The following ADGRG6 variants were observed in gnomAD, a reference collection of about 807,000 sequenced individuals.
ADGRG6 encodes adhesion G protein-coupled receptor G6.
ADGRG6 carries 84 observed loss-of-function variants against 142.4 expected under a neutral mutation model. That is an observed-to-expected ratio of 0.59 (90% CI 0.49 to 0.71). The LOEUF (loss-of-function observed/expected upper bound fraction) is 0.71. ADGRG6 is among the 30% of genes least tolerant of loss of function. The probability of loss-of-function intolerance (pLI) is 0.00; values close to 1 mark genes in which losing one functional copy is unlikely to be tolerated. For synonymous variants in ADGRG6, 521 were observed against 520.5 expected (o/e 1.00, Z -0.01); for missense variants, 1,367 against 1,466.6 (o/e 0.93, Z 1.11).
At position 142,309,328 on chromosome 6, in the gene ADGRG6, G is replaced by A. The variant is rs745439471; in HGVS notation, c.3-216G>A. Among the ~76,000 whole-genome samples, 4 of 151,786 alleles carry A rather than the reference G, an allele frequency of 2.6e-5. No individual in the cohort carries two copies. In the East Asian group the frequency reaches 5.8e-4, roughly 22 times the overall value. On this transcript the variant is annotated intron_variant, in intron 1 of 24. Transcript: ENST00000367609. ...ATTTTGATAAGGAAACTGCTACCAT[G>A]TGGCAAATAAAATGCATGGATTTAT...
chr6:142,390,214 T>C (rs372696965), intron 6 of ADGRG6, 44 bp from the exon 7 acceptor site: 2 of 940,502 alleles, frequency 2.1e-6, no homozygotes, highest in Non-Finnish European at 1.7e-6. Context: ...ATTATATAAC[T>C]ATAAACATAT....
intron 9 of ADGRG6, among the ~76,000 whole-genome samples, chr6:142,396,091 G>A (rs1775175691): frequency 6.6e-6 from 1 of 152,212 alleles, no homozygotes; most frequent in Middle Eastern, 3.4e-3. Context: ...GACTTGTTGG[G>A]TTTGGGTATT....
chr6:142,415,183 AC>A (rs1776294027), intron 19 of ADGRG6, 87 bp downstream of exon 19: 1 of 1,012,676 alleles, frequency 9.9e-7, no homozygotes, highest in African/African-American at 1.6e-5. Context: ...AAACATTTAT[AC>A]ACTGTAGGGT....
Position 142,402,085 on chromosome 6 carries a change from T to A in ADGRG6, c.1744+27T>A, listed in dbSNP as rs762854112. On this transcript the variant is annotated intron_variant, in intron 12 of 24. Transcript: ENST00000367609. ...TAAGTGAGCAGTTTTCCTTTATTTC[T>A]CAAGGACAAAATGACATGACTTCAT... 1.8e-5 allele frequency: 21 copies of A among 1,169,584 alleles called. No individual in the cohort carries two copies. The African/African-American group carries it at 2.6e-4, about 14-fold the overall frequency. The allele number at this position is 1,169,584 out of a possible 1,614,324, so 72.5% of individuals were successfully genotyped here. A position where few individuals can be genotyped will look rare whatever the true frequency, so the allele number is the denominator to read the frequency against.
At chr6:142,440,808 G>C in intron 24 of ADGRG6, 1 of 646,130 alleles carries the variant, frequency 1.5e-6, no homozygotes, top group Non-Finnish European at 2.7e-6. Flanking sequence ...AGCATCCTGG[G>C]ATCACTCAAG....
intron 9 of ADGRG6, among the ~76,000 whole-genome samples, chr6:142,394,838 C>T (rs937051248): frequency 8.0e-5 from 12 of 149,948 alleles, no homozygotes; most frequent in African/African-American, 2.4e-4. Flanking sequence ...CCTCCTGTCT[C>T]AGCCCCCCCC....
rs1465770143 is a variant in ADGRG6, at chr6:142,405,617, A to G, written c.2128-71A>G. ...CTTGCAATTGTTCACTCGCCTAACT[A>G]TACATGTGGAATAAAGTTATTACCA... On this transcript the variant is annotated intron_variant, in intron 14 of 24. Coordinates refer to ENST00000367609, the MANE Select transcript of ADGRG6 (RefSeq NM_198569.3). 5.7e-6 allele frequency: 7 copies of G among 1,237,058 alleles called. No individual in the cohort carries two copies. In the African/African-American group the frequency reaches 7.4e-5, roughly 13 times the overall value. 76.6% of individuals were successfully genotyped at this position (1,237,058 alleles called of 1,614,324 possible).
intron 20 of ADGRG6, among the ~76,000 whole-genome samples, chr6:142,416,277 T>C (rs1273064338): frequency 1.3e-5 from 2 of 152,088 alleles, no homozygotes; most frequent in East Asian, 3.9e-4. Flanking sequence ...TATACACGAG[T>C]AAAGGAAAAG....
intron 2 of ADGRG6, among the ~76,000 whole-genome samples, chr6:142,317,851 T>C (rs1299512077): frequency 1.2e-5 from 1 of 83,126 alleles, no homozygotes; most frequent in African/African-American, 5.2e-5. Flanking sequence ...ATATATAATA[T>C]ATATTTATAT....
chr6:142,388,943 T>C (rs1782166170), intron 6 of ADGRG6, among the ~76,000 whole-genome samples: 1 of 152,106 alleles, frequency 6.6e-6, no homozygotes, highest in African/African-American at 2.4e-5. Context: ...GTAAAAGTTA[T>C]CTTTATATGA....
intron 22 of ADGRG6, among the ~76,000 whole-genome samples, chr6:142,434,670 T>C (rs1483034787): frequency 1.3e-5 from 2 of 152,082 alleles, no homozygotes; most frequent in African/African-American, 4.8e-5. Flanking sequence ...AATGACCAAA[T>C]ATAGTCAGTA....
chr6:142,318,336 ATATTATATATT>A (rs1193363640), intron 2 of ADGRG6, among the ~76,000 whole-genome samples: 11 of 88,812 alleles, frequency 1.2e-4, no homozygotes, highest in African/African-American at 5.2e-4. Flanking sequence ...ATATATATTT[ATATTATATATT>A]TATATATTAT....
intron 1 of ADGRG6, chr6:142,302,692 C>T: frequency 3.5e-6 from 1 of 285,762 alleles, no homozygotes; most frequent in East Asian, 6.1e-5. Context: ...AGAGGCCTGG[C>T]CCTGCCAAGA....
chr6:142,420,725 T>G (rs914081341), intron 22 of ADGRG6, among the ~76,000 whole-genome samples: 13 of 152,184 alleles, frequency 8.5e-5, no homozygotes, highest in Admixed American at 5.9e-4. Context: ...CCAGGCTTCC[T>G]TCAAAGAGCT....
rs78800594 is a variant in ADGRG6, at chr6:142,356,534, C to A, written c.104-11035C>A. Among the ~76,000 whole-genome samples the A allele has an allele frequency of 2.5e-3, 383 of 152,278 alleles. 5 individuals carry two copies. Among genetic ancestry groups the A allele is most frequent in the African/African-American group, 9.0e-3 (372 of 41,556 alleles). Reference sequence around the variant, plus strand: ...CAAAAAGAGCTTCTTGCTTCATAACCCTGTGAACTATACAGGGCACTCCTT... The same window carrying A: ...CAAAAAGAGCTTCTTGCTTCATAACACTGTGAACTATACAGGGCACTCCTT... On this transcript the variant is annotated intron_variant, in intron 2 of 24. Coordinates refer to ENST00000367609, the MANE Select transcript of ADGRG6 (RefSeq NM_198569.3).
chr6:142,323,625 A>G (rs1778624257), intron 2 of ADGRG6, among the ~76,000 whole-genome samples: 1 of 152,138 alleles, frequency 6.6e-6, no homozygotes, highest in African/African-American at 2.4e-5. Context: ...CTGTGCAAAC[A>G]TCATAGAGTG....
chr6:142,405,178 G>A (rs557566450), intron 14 of ADGRG6: 35 of 353,656 alleles, frequency 9.9e-5, no homozygotes, highest in East Asian at 4.4e-4. Flanking sequence ...GTCAACCTCC[G>A]TCTCATTCCA....
chr6:142,356,131 T>TTTCAATAGTTCAA (rs1780430777), intron 2 of ADGRG6, among the ~76,000 whole-genome samples: 2 of 152,194 alleles, frequency 1.3e-5, no homozygotes, highest in African/African-American at 2.4e-5. Context: ...AATTCAACCT[T>TTTCAATAGTTCAA]GCTTTTCAAT....
rs2115097045 is a variant in ADGRG6 at position 142,419,949 on chromosome 6, G to A, written c.3164G>A (p.Ser1055Asn). ...VQICGRNGKR[S>N]NRTLREEVLR... The stretch of plus-strand genomic sequence containing the variant: ...ATCTGTGGGAGGAATGGCAAGAGAA[G>A]CAACCGGACCCTGAGAGAAGAAGTG... The change falls in exon 22 of 25, where the codon AGC becomes AAC. Residue 1055 changes from serine (S) to asparagine (N), a missense_variant. By Grantham distance (46) the Ser-to-Asn change is conservative. Coordinates refer to ENST00000367609, the MANE Select transcript of ADGRG6 (RefSeq NM_198569.3). The A allele has an allele frequency of 1.2e-6, 2 of 1,613,452 alleles. No homozygotes were observed. Among genetic ancestry groups the A allele is most frequent in the South Asian group, 2.2e-5 (2 of 91,078 alleles).
Sources: gnomAD v4.1 joint callset for allele counts (sites outside exome capture counted in the v4.1 genomes callset) on GRCh38, gnomAD v4.1.1 for gene constraint, MANE v1.5 for transcripts, NCBI Gene and HGNC (gene_info 2026-07-23, HGNC 2026-07-21) for gene names.